The following PLEKHA4 variants were observed in gnomAD, a reference collection of about 807,000 sequenced individuals.
The protein encoded by PLEKHA4 is pleckstrin homology domain-containing family A member 4.
PLEKHA4 carries 73 observed loss-of-function variants against 94.7 expected under a neutral mutation model. The observed-to-expected ratio is 0.77, with a 90% CI of 0.64 to 0.94. The LOEUF is 0.94. Ranked by LOEUF, PLEKHA4 falls within the 40% of genes least tolerant of loss-of-function variation. The probability of loss-of-function intolerance (pLI) is 0.00; values close to 1 mark genes in which losing one functional copy is unlikely to be tolerated. For synonymous variants in PLEKHA4, 449 were observed against 437.1 expected, an observed-to-expected ratio of 1.03 and a Z score of -0.34; for missense variants, 1,049 against 1,054.1, an observed-to-expected ratio of 1.00 and a Z score of 0.07.
At chr19:48,856,213 A>AAGAG (rs558364923) in intron 9 of PLEKHA4, among the ~76,000 whole-genome samples, 1,833 of 150,134 alleles carry the variant, frequency 0.012, 13 homozygotes, top group South Asian at 0.027. Flanking sequence ...GAAAGAAAGA[A>AAGAG]AGAGAGAGAA....
chr19:48,867,637 G>A lies in PLEKHA4; in HGVS notation c.-6-11C>T, dbSNP rs1476819669. On this transcript the variant is annotated splice_polypyrimidine_tract_variant and intron_variant, in intron 1 of 19. Transcript: ENST00000263265. The surrounding 1 kb of genome is among the most constrained non-coding windows in gnomAD (Gnocchi z 4.7). The stretch of plus-strand genomic sequence containing the variant: ...CCCCTCCATCAAGGGCTGGGGGAGA[G>A]AAAGAAAGGGGCTGTGTCTCTGCAG... 1.3e-6 allele frequency: 2 copies of A among 1,580,042 alleles called. No individual in the cohort carries two copies. Among genetic ancestry groups the A allele is most frequent in the East Asian group, 4.6e-5 (2 of 43,820 alleles).
intron 18 of PLEKHA4, chr19:48,838,406 C>A: frequency 5.6e-6 from 1 of 180,180 alleles, no homozygotes; most frequent in Non-Finnish European, 1.1e-5. Flanking sequence ...CAAAACATCT[C>A]AATTATCTCG....
In PLEKHA4 at chr19:48,838,007, A is replaced by C. The variant is rs2035603746; in HGVS notation, c.2077+10T>G. On this transcript the variant is annotated intron_variant, in intron 19 of 19. Transcript: ENST00000263265. The stretch of plus-strand genomic sequence containing the variant: ...TAAAACCCAGAAGTCCAACATCCCC[A>C]GCCAGTCACCTGTCATCATTCTGTG... The C allele has an allele frequency of 6.2e-7, 1 of 1,601,640 alleles. No homozygotes were observed.
chr19:48,866,663 G>T (rs1489448488), intron 2 of PLEKHA4, among the ~76,000 whole-genome samples: 3 of 152,102 alleles, frequency 2.0e-5, no homozygotes, highest in Non-Finnish European at 4.4e-5. Context: ...AGAGGCTGTA[G>T]GGAAGCAATT....
chr19:48,838,040 G>T lies in PLEKHA4; in HGVS notation c.2054C>A (p.Ser685Ter). 2 of 1,613,522 alleles carry T rather than the reference G, an allele frequency of 1.2e-6. No homozygotes were observed. The highest frequency in any genetic ancestry group is 8.5e-7 in the Non-Finnish European group (1 of 1,179,742). ...SLSQALATEA[S>*]QWHRMMTGGN... is the part of the protein sequence containing the mutation. ...ACCTGTCATCATTCTGTGCCACTGC[G>T]ACGCCTCAGTAGCCAGGGCTTGGGA... Residue 685 changes from serine (S) to a stop codon, truncating the protein, a stop_gained, in exon 19 of 20, where the codon TCG (serine) becomes TAG (stop). Coordinates refer to ENST00000263265, the MANE Select transcript of PLEKHA4 (RefSeq NM_020904.3). LOFTEE classifies it low-confidence loss of function (END_TRUNC).
rs1035433914 is a variant in PLEKHA4 at position 48,837,328 on chromosome 19, T to C, written c.2301A>G (p.Ala767=). 1.9e-6 allele frequency: 3 copies of C among 1,613,924 alleles called. No individual in the cohort carries two copies. The highest frequency in any genetic ancestry group is 1.7e-5 in the Admixed American group (1 of 60,004). ...GTAGCAGAGTGACTCGCAGAGGCCATGCCCCCTCGTCTTGTGGCAGGACCG... is the reference window on the plus strand; with the variant it reads ...GTAGCAGAGTGACTCGCAGAGGCCACGCCCCCTCGTCTTGTGGCAGGACCG... ...APPVLPQDEG[A]WPLRVTLLQS... is the part of the protein sequence containing the mutation. Residue 767 remains alanine (A), a synonymous_variant, in exon 20 of 20, where the codon GCA becomes GCG. Coordinates refer to ENST00000263265, the MANE Select transcript of PLEKHA4 (RefSeq NM_020904.3). This position sits in a 1 kb window ranked among gnomAD's most constrained non-coding sequence, Gnocchi z 4.3.
intron 16 of PLEKHA4, among the ~76,000 whole-genome samples, chr19:48,842,263 C>T (rs2035799200): frequency 6.6e-6 from 1 of 151,558 alleles, no homozygotes; most frequent in South Asian, 2.1e-4. Flanking sequence ...TCTGCCTCGG[C>T]CTCTCAAGTA....
intron 2 of PLEKHA4, 69 bp from the exon 3 acceptor site, chr19:48,865,679 A>T: frequency 9.2e-7 from 1 of 1,091,168 alleles, no homozygotes; most frequent in Non-Finnish European, 1.4e-6. Context: ...GTGAGGGTGG[A>T]CACAGGCAAC....
At chr19:48,844,117 ATT>A (rs1206950333) in intron 16 of PLEKHA4, among the ~76,000 whole-genome samples, 1 of 132,884 alleles carries the variant, frequency 7.5e-6, no homozygotes, top group East Asian at 2.1e-4. Flanking sequence ...TGCCTTATTT[ATT>A]TTATTATTAT....
chr19:48,867,362 T>G lies in PLEKHA4; in HGVS notation c.84+175A>C, dbSNP rs2036867805. ...AAAATACAAAGGGTGGGGACAGAGC[T>G]GGGAGTGCCTCTGAATTCCTAGCTG... On this transcript the variant is annotated intron_variant, in intron 2 of 19. Transcript: ENST00000263265. The surrounding 1 kb of genome is among the most constrained non-coding windows in gnomAD (Gnocchi z 4.7). Among the ~76,000 whole-genome samples the G allele has an allele frequency of 6.6e-6, 1 of 152,190 alleles. No individual in the cohort carries two copies. The highest frequency in any genetic ancestry group is 1.5e-5 in the Non-Finnish European group (1 of 68,022).
At chr19:48,846,833 T>A (rs1272010296) in intron 14 of PLEKHA4, among the ~76,000 whole-genome samples, 1 of 152,120 alleles carries the variant, frequency 6.6e-6, no homozygotes, top group Non-Finnish European at 1.5e-5. Flanking sequence ...ACTGTGCCAT[T>A]TATTAGCTGT....
chr19:48,855,341 T>C (rs1316932045), intron 9 of PLEKHA4, among the ~76,000 whole-genome samples: 1 of 152,058 alleles, frequency 6.6e-6, no homozygotes, highest in Non-Finnish European at 1.5e-5. Context: ...CGGTGGCTCA[T>C]GCCTGTAATC....
chr19:48,861,332 G>A (rs1395347237), intron 5 of PLEKHA4, 69 bp downstream of exon 5: 33 of 1,353,470 alleles, frequency 2.4e-5, no homozygotes, highest in South Asian at 3.5e-5. Context: ...GAGTTTCCTC[G>A]ACAGATATCT....
intron 18 of PLEKHA4, among the ~76,000 whole-genome samples, 193 bp downstream of exon 18, chr19:48,839,012 T>C (rs3745705): frequency 0.14 from 21,297 of 151,934 alleles, 1,848 homozygotes; most frequent in African/African-American, 0.24. Context: ...CCAAGGGAAT[T>C]TGAGGAACTA....
At chr19:48,856,946 A>T (rs1344426100) in intron 9 of PLEKHA4, among the ~76,000 whole-genome samples, 1 of 126,380 alleles carries the variant, frequency 7.9e-6, no homozygotes, top group Non-Finnish European at 1.6e-5. Context: ...AAAGAAAAAG[A>T]AAGAGAAAGA....
At chr19:48,858,823 G>T in intron 8 of PLEKHA4, 37 bp downstream of exon 8, 1 of 1,612,160 alleles carries the variant, frequency 6.2e-7, no homozygotes, top group Admixed American at 1.7e-5. Flanking sequence ...AGGCCTGATG[G>T]GAAACGTAGT....
intron 14 of PLEKHA4, among the ~76,000 whole-genome samples, chr19:48,845,936 G>A (rs1398137926): frequency 1.3e-5 from 2 of 150,730 alleles, no homozygotes; most frequent in East Asian, 2.0e-4. Flanking sequence ...GCTTGAACTC[G>A]GGAGTTGGAG....
At position 48,859,093 on chromosome 19, in the gene PLEKHA4, G is replaced by T; in HGVS notation, c.739C>A (p.Arg247Ser). The change falls in exon 8 of 20, where the codon CGT (arginine) becomes AGT (serine). Residue 247 changes from arginine to serine, a missense_variant. By Grantham distance (110) the Arg-to-Ser change is moderately radical. Transcript: ENST00000263265. ...SRPPSPLSLP[R>S]PRSAPARRPP... ...CGCCGCGCAGGGGCAGAACGGGGAC[G>T]GGGGAGGCTCAGAGGCGAGGGAGGG... is the stretch of plus-strand genomic sequence containing the variant. 6.7e-7 allele frequency: 1 copy of T among 1,487,358 alleles called. No individual in the cohort carries two copies. Among genetic ancestry groups the T allele is most frequent in the Non-Finnish European group, 9.0e-7 (1 of 1,115,560 alleles). 92.1% of individuals were successfully genotyped at this position (1,487,358 alleles called of 1,614,324 possible). A position where few individuals can be genotyped will look rare whatever the true frequency, so the allele number is the denominator to read the frequency against.
At position 48,837,097 on chromosome 19, in the gene PLEKHA4, TA is replaced by T; in HGVS notation, c.*191del. 1 of 735,106 alleles carries T rather than the reference TA, an allele frequency of 1.4e-6. No homozygotes were observed. The highest frequency in any genetic ancestry group is 2.3e-6 in the Non-Finnish European group (1 of 444,294). 45.5% of individuals were successfully genotyped at this position (735,106 alleles called of 1,614,324 possible). ...GACAGACAGAAAGAAAGCTATTGAC[TA>T]AAAGTTCAAAGTTTTAATCCAAATT... On this transcript the variant is annotated 3_prime_UTR_variant, in exon 20 of 20. Coordinates refer to ENST00000263265, the MANE Select transcript of PLEKHA4 (RefSeq NM_020904.3). This position sits in a 1 kb window ranked among gnomAD's most constrained non-coding sequence, Gnocchi z 4.3.
Sources: allele counts gnomAD v4.1 joint callset (sites outside exome capture counted in the v4.1 genomes callset), GRCh38; gene constraint gnomAD v4.1.1; non-coding constraint Gnocchi (gnomAD v3.1); transcripts MANE v1.5; gene names NCBI Gene and HGNC (gene_info 2026-07-23, HGNC 2026-07-21).